The following SLC35F4 variants were observed in gnomAD, a reference collection of about 807,000 sequenced individuals.
SLC35F4 encodes the protein solute carrier family 35 member F4.
A neutral mutation model predicts 44.2 loss-of-function variants in SLC35F4; 24 were observed. The observed-to-expected ratio is 0.54, with a 90% CI of 0.39 to 0.76. SLC35F4 has a LOEUF of 0.76. Ranked by LOEUF, SLC35F4 falls within the 30% of genes least tolerant of loss-of-function variation. The probability of loss-of-function intolerance (pLI) is 0.00; values close to 1 mark genes in which losing one functional copy is unlikely to be tolerated. For missense variants in SLC35F4, 562 were observed against 586.1 expected, an observed-to-expected ratio of 0.96 and a Z score of 0.42; for synonymous variants, 238 against 223.6, an observed-to-expected ratio of 1.06 and a Z score of -0.57.
intron 1 of SLC35F4, among the ~76,000 whole-genome samples, chr14:57,684,267 A>G (rs1020021178): frequency 2.0e-5 from 3 of 151,906 alleles, no homozygotes; most frequent in African/African-American, 7.3e-5. Flanking sequence ...CTAGACCACA[A>G]ATGAGCACCA....
At chr14:57,834,858 AT>A (rs1206334800) in intron 1 of SLC35F4, among the ~76,000 whole-genome samples, 2 of 152,192 alleles carry the variant, frequency 1.3e-5, no homozygotes, top group African/African-American at 4.8e-5. Flanking sequence ...GCGAAACCCC[AT>A]CTCTACTAAA....
chr14:57,907,273 A>C (rs961366599), intron 1 of SLC35F4, among the ~76,000 whole-genome samples: 6 of 152,140 alleles, frequency 3.9e-5, no homozygotes, highest in African/African-American at 1.4e-4. Flanking sequence ...CACTTTATAG[A>C]CTACAGTTTA....
chr14:57,670,971 C>G (rs887525161), intron 1 of SLC35F4, among the ~76,000 whole-genome samples: 1 of 135,786 alleles, frequency 7.4e-6, no homozygotes, highest in Admixed American at 8.3e-5. Context: ...GTGGCATGGT[C>G]TCAGCTCACT....
intron 1 of SLC35F4, among the ~76,000 whole-genome samples, chr14:57,933,248 C>A (rs1371105348): frequency 2.6e-5 from 4 of 151,992 alleles, no homozygotes; most frequent in African/African-American, 4.8e-5. Flanking sequence ...GTCTTGAGCT[C>A]CTGACCTCAG....
chr14:57,938,654 C>T (rs1455911552), intron 1 of SLC35F4, among the ~76,000 whole-genome samples: 1 of 152,216 alleles, frequency 6.6e-6, no homozygotes, highest in Non-Finnish European at 1.5e-5. Context: ...AATGTTCACA[C>T]TTAACACATG....
intron 1 of SLC35F4, among the ~76,000 whole-genome samples, chr14:57,666,298 CCA>C (rs2074306412): frequency 6.6e-6 from 1 of 152,126 alleles, no homozygotes; most frequent in Non-Finnish European, 1.5e-5. Context: ...CAAATACTAT[CCA>C]GTTTTATTTT....
At chr14:57,663,853 G>A (rs1482037994) in intron 1 of SLC35F4, among the ~76,000 whole-genome samples, 1 of 152,144 alleles carries the variant, frequency 6.6e-6, no homozygotes, top group African/African-American at 2.4e-5. Context: ...CCATAAGAAA[G>A]AGATTGCAAA....
At chr14:57,672,577 T>C (rs1322938992) in intron 1 of SLC35F4, among the ~76,000 whole-genome samples, 1 of 152,152 alleles carries the variant, frequency 6.6e-6, no homozygotes, top group Non-Finnish European at 1.5e-5. Context: ...TACCGCTATA[T>C]GATTATAAAA....
chr14:57,643,407 A>G (rs1026812563), intron 1 of SLC35F4, among the ~76,000 whole-genome samples: 2 of 152,114 alleles, frequency 1.3e-5, no homozygotes, highest in Admixed American at 6.6e-5. Flanking sequence ...GATCAATAAT[A>G]ACAATAATAC....
At chr14:57,887,272 G>T (rs1001923614) in intron 1 of SLC35F4, among the ~76,000 whole-genome samples, 1 of 152,184 alleles carries the variant, frequency 6.6e-6, no homozygotes, top group African/African-American at 2.4e-5. Flanking sequence ...CTTTCTTCAA[G>T]TACAGTAGAG....
chr14:57,878,401 T>C lies in SLC35F4; in HGVS notation n.282+103512A>G, dbSNP rs557673233. Reference sequence around the variant, plus strand: ...AAACAACTGAATGGTTCAACAGGACTCTTAGCATGAATCCCACACCCCTAA... The same window carrying C: ...AAACAACTGAATGGTTCAACAGGACCCTTAGCATGAATCCCACACCCCTAA... On this transcript the variant is annotated intron_variant and non_coding_transcript_variant, in intron 1 of 1. Transcript: ENST00000556568. Among the ~76,000 whole-genome samples, 9 of 152,302 alleles carry C rather than the reference T, an allele frequency of 5.9e-5. No homozygotes were observed. The South Asian group carries it at 1.9e-3, about 32-fold the overall frequency.
chr14:57,926,298 T>C (rs550783735), intron 1 of SLC35F4, among the ~76,000 whole-genome samples: 1 of 152,366 alleles, frequency 6.6e-6, no homozygotes, highest in Admixed American at 6.5e-5. Context: ...GGCAGGGCTC[T>C]GGCTGCCAAA....
intron 1 of SLC35F4, among the ~76,000 whole-genome samples, chr14:57,724,921 A>G (rs1266367964): frequency 1.3e-5 from 2 of 152,220 alleles, no homozygotes; most frequent in Non-Finnish European, 2.9e-5. Context: ...TGATTATATA[A>G]TAAGTCATGG....
At chr14:57,870,466 G>A (rs1888274873), upstream of SLC35F4, among the ~76,000 whole-genome samples, 1 of 152,130 alleles carries the variant, frequency 6.6e-6, no homozygotes, top group South Asian at 2.1e-4. Flanking sequence ...CACCTATATA[G>A]TGGAACTATC....
intron 1 of SLC35F4, among the ~76,000 whole-genome samples, chr14:57,855,085 A>G (rs1401027615): frequency 6.6e-6 from 1 of 152,224 alleles, no homozygotes; most frequent in Non-Finnish European, 1.5e-5. Context: ...TAATTATAAC[A>G]GCTTCCATAC....
chr14:57,897,544 C>A (rs1438791109), intron 1 of SLC35F4, among the ~76,000 whole-genome samples: 3 of 151,882 alleles, frequency 2.0e-5, no homozygotes, highest in Non-Finnish European at 2.9e-5. Flanking sequence ...CATCCCTCCA[C>A]CCCAATGTGT....
chr14:57,600,591 C>G (rs1207849263), intron 1 of SLC35F4, among the ~76,000 whole-genome samples: 1 of 134,130 alleles, frequency 7.5e-6, no homozygotes, highest in Non-Finnish European at 1.6e-5. Context: ...ACCTGGGAGG[C>G]TGAGGCAGGA....
rs948820162 is a variant in SLC35F4 at position 57,841,216 on chromosome 14, G to A, written c.103+24507C>T. On this transcript the variant is annotated intron_variant, in intron 1 of 7. Coordinates refer to ENST00000556826, the MANE Select transcript of SLC35F4 (RefSeq NM_001306087.2). ...ACATAGGGCTAAGCAGGAGATCAAG[G>A]GATTTTGAGCCCCAGGTGATGGGGG... Among the ~76,000 whole-genome samples, 18 of 152,276 alleles carry A rather than the reference G, an allele frequency of 1.2e-4. 1 individual carries two copies. Among genetic ancestry groups the A allele is most frequent in the Admixed American group, 1.1e-3 (17 of 15,284 alleles).
chr14:57,728,609 C>CAA (rs2076270691), intron 1 of SLC35F4, among the ~76,000 whole-genome samples: 4 of 151,808 alleles, frequency 2.6e-5, no homozygotes, highest in South Asian at 4.2e-4. Flanking sequence ...TCCACTACGC[C>CAA]CAGTTAATTT....
Sources: allele counts gnomAD v4.1 joint callset (sites outside exome capture counted in the v4.1 genomes callset), GRCh38; gene constraint gnomAD v4.1.1; transcripts MANE v1.5; gene names NCBI Gene and HGNC (gene_info 2026-07-23, HGNC 2026-07-21).